CSAG3: variants seen among roughly 807,000 people sequenced by gnomAD.
The protein encoded by CSAG3 is CSAG family member 3.
For missense variants in CSAG3, 15 were observed against 93.0 expected (o/e 0.16, Z 3.45); for synonymous variants, 4 against 34.0 (o/e 0.12, Z 3.07).
upstream of CSAG3, chrX:152,758,844 T>A (rs1932606767): frequency 8.0e-5 from 7 of 87,187 alleles, no homozygotes; most frequent in Non-Finnish European, 1.6e-4. Context: ...TCTCTCTCTC[T>A]CTCTCTCTCT....
upstream of CSAG3, chrX:152,758,877 T>TCTCTCTCTCTCTCTCTC (rs1375603795): frequency 5.0e-4 from 25 of 50,200 alleles, no homozygotes; most frequent in African/African-American, 1.8e-3. Flanking sequence ...CTCTCTCTCT[T>TCTCTCTCTCTCTCTCTC]TCTTTCTCTC....
At chrX:152,755,460 T>C (rs1333726418), upstream of CSAG3, among the ~76,000 whole-genome samples, 1 of 112,845 alleles carries the variant, frequency 8.9e-6, no homozygotes, top group African/African-American at 3.2e-5. Context: ...TAGTTAGTTA[T>C]TGCTTTCGTG....
chrX:152,759,119 C>T (rs1481912561), upstream of CSAG3: 7 of 263,648 alleles, frequency 2.7e-5, no homozygotes, highest in Admixed American at 5.6e-5. Flanking sequence ...TCAGGTGACA[C>T]AATTTTTTTT....
upstream of CSAG3, chrX:152,758,829 T>TCTTTCTCTCTCTCTCTCTC (rs1932603172): frequency 2.0e-5 from 1 of 50,634 alleles, no homozygotes; most frequent in Non-Finnish European, 3.7e-5. Context: ...CTCTCTCTCT[T>TCTTTCTCTCTCTCTCTCTC]TCTCTCTCTC....
upstream of CSAG3, among the ~76,000 whole-genome samples, chrX:152,757,645 T>C (rs1214115585): frequency 1.5e-3 from 81 of 55,635 alleles, 11 homozygotes; most frequent in African/African-American, 7.9e-3. Context: ...ATATATCCAT[T>C]CACCAAATGA....
upstream of CSAG3, chrX:152,759,003 A>T (rs1932614569): frequency 6.0e-6 from 1 of 166,434 alleles, no homozygotes; most frequent in Admixed American, 9.5e-5. Flanking sequence ...TTGATCTAGG[A>T]CTTCCAGACT....
upstream of CSAG3, chrX:152,758,833 C>CTCTT (rs1932605376): frequency 4.4e-3 from 100 of 22,491 alleles, no homozygotes; most frequent in African/African-American, 0.021. Flanking sequence ...CTCTCTTTCT[C>CTCTT]TCTCTCTCTC....
upstream of CSAG3, among the ~76,000 whole-genome samples, chrX:152,757,643 AT>A (rs1248903191): frequency 8.9e-5 from 5 of 55,891 alleles, 1 homozygote; most frequent in Non-Finnish European, 1.5e-4. Context: ...ATATATATCC[AT>A]TCACCAAATG....
chrX:152,758,513 A>G (rs1227644389), upstream of CSAG3, among the ~76,000 whole-genome samples: 4 of 7,679 alleles, frequency 5.2e-4, no homozygotes, highest in South Asian at 0.015. Flanking sequence ...CTGTACTTTC[A>G]CCATTATTGC....
At chrX:152,759,864 G>T in exon 2 of CSAG3, 2 of 1,206,324 alleles carry the variant, frequency 1.7e-6, no homozygotes, top group Non-Finnish European at 2.2e-6. Context: ...AACCCGGAAG[G>T]GAAAAGGGAC....
chrX:152,758,829 T>TTCTCTCTCTCTCTCTCTCTCTCTCTC (rs1170908672), upstream of CSAG3: 40 of 50,625 alleles, frequency 7.9e-4, 1 homozygote, highest in Non-Finnish European at 1.3e-3. Context: ...CTCTCTCTCT[T>TTCTCTCTCTCTCTCTCTCTCTCTCTC]TCTCTCTCTC....
chrX:152,758,798 A>G (rs1300727912), upstream of CSAG3: 1 of 91,178 alleles, frequency 1.1e-5, no homozygotes, highest in Non-Finnish European at 2.0e-5. Context: ...TTGTGCCTAC[A>G]TGACCTTTCT....
At chrX:152,759,782 C>A in intron 1 of CSAG3, 61 bp from the exon 2 acceptor site, 1 of 1,179,691 alleles carries the variant, frequency 8.5e-7, no homozygotes, top group South Asian at 1.8e-5. Flanking sequence ...CCTGTTCTCA[C>A]CCCTCCTCCA....
At chrX:152,759,341 GATT>G (rs1932623082) in exon 1 of CSAG3, 2 of 514,718 alleles carry the variant, frequency 3.9e-6, no homozygotes, top group Non-Finnish European at 6.7e-6. Flanking sequence ...ACAATCAGTT[GATT>G]TTAAGTAAAG....
exon 2 of CSAG3, chrX:152,760,114 TC>T: frequency 2.5e-6 from 1 of 403,451 alleles, no homozygotes; most frequent in Non-Finnish European, 4.4e-6. Context: ...CTGAAAAGTC[TC>T]CAGAGGTCTA....
chrX:152,758,748 T>A (rs2124981155), upstream of CSAG3, among the ~76,000 whole-genome samples: 1 of 76,514 alleles, frequency 1.3e-5, no homozygotes, highest in East Asian at 4.1e-4. Context: ...ATAGAATTAG[T>A]TTGGTTATAA....
At chrX:152,759,038 A>G (rs1932615192), upstream of CSAG3, 1 of 189,716 alleles carries the variant, frequency 5.3e-6, no homozygotes, top group African/African-American at 3.1e-5. Flanking sequence ...AAAAAAATAA[A>G]TTTCTGTTGT....
At chrX:152,758,841 C>T (rs1218161842), upstream of CSAG3, 424 of 78,795 alleles carry the variant, frequency 5.4e-3, 3 homozygotes, top group African/African-American at 0.023. Flanking sequence ...CTCTCTCTCT[C>T]TCTCTCTCTC....
At chrX:152,757,619 ATATATG>A (rs1372887624), upstream of CSAG3, among the ~76,000 whole-genome samples, 156 of 44,743 alleles carry the variant, frequency 3.5e-3, 18 homozygotes, top group Middle Eastern at 0.048. Context: ...ATATATATAT[ATATATG>A]TATATATATA....
Sources: allele counts gnomAD v4.1 joint callset (sites outside exome capture counted in the v4.1 genomes callset), GRCh38; gene constraint gnomAD v4.1.1; transcripts MANE v1.5; gene names NCBI Gene and HGNC (gene_info 2026-07-23, HGNC 2026-07-21).